The following CPA6 variants were observed in gnomAD, a reference collection of about 807,000 sequenced individuals.
The protein encoded by CPA6 is carboxypeptidase B.
CPA6 carries 58 observed loss-of-function variants against 63.3 expected under a neutral mutation model. The ratio of observed to expected loss-of-function variants is 0.92; its 90% CI spans 0.74 to 1.14. The LOEUF is 1.14. Ranked by LOEUF, CPA6 falls within the 50% of genes most tolerant of loss-of-function variation. The pLI, the probability that CPA6 is intolerant of heterozygous loss-of-function variation, is 0.00. For missense variants in CPA6, 565 were observed against 526.6 expected (o/e 1.07, Z -0.71); for synonymous variants, 185 against 179.0 (o/e 1.03, Z -0.27).
intron 2 of CPA6, among the ~76,000 whole-genome samples, chr8:67,531,188 T>C (rs1285288595): frequency 6.6e-6 from 1 of 151,896 alleles, no homozygotes; most frequent in Non-Finnish European, 1.5e-5. Flanking sequence ...AATTATATTA[T>C]CAACAGGGGA....
chr8:67,746,276 C>T lies in CPA6; in HGVS notation c.-147G>A, dbSNP rs1276567612. 2.0e-6 allele frequency: 1 copy of T among 503,506 alleles called. No individual in the cohort carries two copies. Among genetic ancestry groups the T allele is most frequent in the Non-Finnish European group, 3.6e-6 (1 of 277,980 alleles). 31.2% of individuals were successfully genotyped at this position (503,506 alleles called of 1,614,324 possible). On this transcript the variant is annotated 5_prime_UTR_variant, in exon 1 of 11. Transcript: ENST00000297770. Reference sequence around the variant, plus strand: ...AGTGAGCAAAATGTGACACTTCTCTCCAGCTACAAGGGAAAAAAAAAGTTC... The same window carrying T: ...AGTGAGCAAAATGTGACACTTCTCTTCAGCTACAAGGGAAAAAAAAAGTTC...
intron 5 of CPA6, among the ~76,000 whole-genome samples, chr8:67,507,138 GCTT>G (rs962373763): frequency 2.0e-5 from 3 of 151,908 alleles, no homozygotes; most frequent in African/African-American, 7.2e-5. Context: ...TAAATAGGTT[GCTT>G]CTTTATTTTT....
Position 67,687,063 on chromosome 8 carries a change from C to T in CPA6, c.116+58951G>A, listed in dbSNP as rs75551139. Among the ~76,000 whole-genome samples, 19 of 151,624 alleles carry T rather than the reference C, an allele frequency of 1.3e-4. No homozygotes were observed. The East Asian group carries it at 3.7e-3, about 29-fold the overall frequency. On this transcript the variant is annotated intron_variant, in intron 1 of 10. Coordinates refer to ENST00000297770, the MANE Select transcript of CPA6 (RefSeq NM_020361.5). Reference sequence around the variant, plus strand: ...CACCTGTCAGGGTTCAAGTTCCTTTCTGATGGCTTCTTAGAAGCAACATCT... The same window carrying T: ...CACCTGTCAGGGTTCAAGTTCCTTTTTGATGGCTTCTTAGAAGCAACATCT...
In CPA6 at chr8:67,491,843, A is replaced by C. The variant is rs980181779; in HGVS notation, c.637-7054T>G. Among the ~76,000 whole-genome samples the C allele has an allele frequency of 4.4e-4, 66 of 151,328 alleles. 3 individuals are homozygous for C. Among genetic ancestry groups the C allele is most frequent in the Non-Finnish European group, 1.5e-5 (1 of 68,042 alleles). ...ATTTTGGTTACCACTGCTACAAATC[A>C]CTATATAAATAAAAATGAGCATCAA... On this transcript the variant is annotated intron_variant, in intron 6 of 10. Coordinates refer to ENST00000297770, the MANE Select transcript of CPA6 (RefSeq NM_020361.5).
intron 1 of CPA6, among the ~76,000 whole-genome samples, chr8:67,674,922 C>A (rs1487799484): frequency 6.6e-6 from 1 of 152,084 alleles, no homozygotes; most frequent in Non-Finnish European, 1.5e-5. Flanking sequence ...TACACCAGAA[C>A]AGAAAACCAA....
At chr8:67,713,095 GTGTGTATATATATATATATA>G (rs200917808) in intron 1 of CPA6, among the ~76,000 whole-genome samples, 36 of 86,358 alleles carry the variant, frequency 4.2e-4, no homozygotes, top group East Asian at 3.6e-3. Context: ...GTGTGTGTGT[GTGTGTATATATATATATATA>G]TATATATATA....
At chr8:67,521,079 A>C (rs1466481463) in intron 2 of CPA6, among the ~76,000 whole-genome samples, 1 of 152,252 alleles carries the variant, frequency 6.6e-6, no homozygotes, top group Non-Finnish European at 1.5e-5. Flanking sequence ...ATTCTGGGCT[A>C]CAACATAACA....
chr8:67,713,325 G>A (rs1169144790), intron 1 of CPA6, among the ~76,000 whole-genome samples: 3 of 151,710 alleles, frequency 2.0e-5, no homozygotes, highest in African/African-American at 4.8e-5. Flanking sequence ...ACAAACAAGT[G>A]AAACTGTGGA....
chr8:67,705,262 AC>A (rs991330943), intron 1 of CPA6, among the ~76,000 whole-genome samples: 42 of 152,034 alleles, frequency 2.8e-4, no homozygotes, highest in African/African-American at 9.4e-4. Context: ...CAGAATCCCC[AC>A]CCCCGATGGC....
chr8:67,701,058 C>T (rs956919416), intron 1 of CPA6, among the ~76,000 whole-genome samples: 3 of 152,042 alleles, frequency 2.0e-5, no homozygotes, highest in Non-Finnish European at 2.9e-5. Flanking sequence ...CACTTAGGGG[C>T]AAAGTACATC....
chr8:67,555,747 C>A (rs974410739), intron 2 of CPA6, among the ~76,000 whole-genome samples: 3 of 152,122 alleles, frequency 2.0e-5, no homozygotes, highest in African/African-American at 7.2e-5. Flanking sequence ...TCTGCTAACT[C>A]TGGGTGTTAG....
At chr8:67,474,616 G>A (rs1811133782) in intron 8 of CPA6, among the ~76,000 whole-genome samples, 1 of 152,106 alleles carries the variant, frequency 6.6e-6, no homozygotes, top group African/African-American at 2.4e-5. Context: ...GCACACTACT[G>A]ACTTCATTCT....
At chr8:67,500,368 C>A (rs983644552) in intron 6 of CPA6, among the ~76,000 whole-genome samples, 1 of 151,910 alleles carries the variant, frequency 6.6e-6, no homozygotes, top group Non-Finnish European at 1.5e-5. Context: ...TGTCTTTTGC[C>A]CATTTTCTCA....
chr8:67,602,673 T>A (rs1358375279), intron 2 of CPA6, among the ~76,000 whole-genome samples: 1 of 152,134 alleles, frequency 6.6e-6, no homozygotes, highest in Non-Finnish European at 1.5e-5. Context: ...TAGAGAAATA[T>A]AAATAAAACC....
At chr8:67,632,693 A>T (rs1439147008) in intron 1 of CPA6, among the ~76,000 whole-genome samples, 1 of 152,142 alleles carries the variant, frequency 6.6e-6, no homozygotes, top group Non-Finnish European at 1.5e-5. Flanking sequence ...TTTACTAGAG[A>T]GCTATTTTGA....
At position 67,746,010 on chromosome 8, in the gene CPA6, T is replaced by A. The variant is rs1439798940; in HGVS notation, c.116+4A>T. Reference sequence around the variant, plus strand: ...GTGTAGGGCATGAATGTCGCTCCACTTACCCAGCATAGCGGTTGTTATAAA... The same window carrying A: ...GTGTAGGGCATGAATGTCGCTCCACATACCCAGCATAGCGGTTGTTATAAA... On this transcript the variant is annotated splice_donor_region_variant and intron_variant, in intron 1 of 10. Coordinates refer to ENST00000297770, the MANE Select transcript of CPA6 (RefSeq NM_020361.5). 1.2e-6 allele frequency: 2 copies of A among 1,609,718 alleles called. No individual in the cohort carries two copies. The highest frequency in any genetic ancestry group is 2.2e-5 in the South Asian group (2 of 90,754).
intron 2 of CPA6, among the ~76,000 whole-genome samples, chr8:67,540,621 G>A (rs192522781): frequency 1.8e-3 from 280 of 152,368 alleles, no homozygotes; most frequent in Admixed American, 3.7e-3. Flanking sequence ...CTTCCTCCAG[G>A]TGCTCTGTCC....
intron 2 of CPA6, among the ~76,000 whole-genome samples, chr8:67,529,080 G>GT (rs1587526238): frequency 6.6e-6 from 1 of 151,970 alleles, no homozygotes. Context: ...TTGGAGAGTT[G>GT]TAAGTACAGA....
chr8:67,575,842 C>CAA (rs1220968056), intron 2 of CPA6, among the ~76,000 whole-genome samples: 14 of 77,634 alleles, frequency 1.8e-4, no homozygotes, highest in Admixed American at 1.0e-3. Context: ...ACTCTGTCTC[C>CAA]AAAAAAAAAA....
Sources: allele counts gnomAD v4.1 joint callset (sites outside exome capture counted in the v4.1 genomes callset), GRCh38; gene constraint gnomAD v4.1.1; transcripts MANE v1.5; gene names NCBI Gene and HGNC (gene_info 2026-07-23, HGNC 2026-07-21).